Variants in TUBD1 observed in about 807,000 individuals in gnomAD.
TUBD1 encodes tubulin delta 1.
In TUBD1, 38 loss-of-function variants were observed where a neutral mutation model predicts 51.2. The observed-to-expected ratio is 0.74, with a 90% CI of 0.57 to 0.97. TUBD1 has a LOEUF of 0.97. Ranked by LOEUF, TUBD1 falls within the 50% of genes least tolerant of loss-of-function variation. TUBD1 has a pLI of 0.00. For synonymous variants in TUBD1, 169 were observed against 178.2 expected, an observed-to-expected ratio of 0.95 and a Z score of 0.41; for missense variants, 489 against 538.4, an observed-to-expected ratio of 0.91 and a Z score of 0.91.
rs201384047 is a variant in TUBD1, at chr17:59,872,720, G to GTC, written c.934+1818_934+1819insGA. Among the ~76,000 whole-genome samples the GTC allele has an allele frequency of 4.1e-3, 562 of 135,748 alleles. 5 individuals are homozygous for GTC. Among genetic ancestry groups the GTC allele is most frequent in the African/African-American group, 0.013 (504 of 37,708 alleles). The allele number at this position is 135,748 out of a possible 152,430, so 89.1% of individuals were successfully genotyped here. ...TGTGTGTGTGTGTGTGTGTGTGTGT[G>GTC]TGTGTGTGTCTGTGTGTGTAGAGGG... On this transcript the variant is annotated intron_variant, in intron 6 of 8. Transcript: ENST00000325752.
At chr17:59,885,212 G>A (rs763237385) in intron 3 of TUBD1, 19 of 457,528 alleles carry the variant, frequency 4.2e-5, no homozygotes, top group Admixed American at 1.6e-4. Context: ...AGCCTTACCC[G>A]GATGATGACA....
chr17:59,890,618 T>C (rs1407548464), intron 2 of TUBD1, among the ~76,000 whole-genome samples: 2 of 152,312 alleles, frequency 1.3e-5, no homozygotes, highest in East Asian at 3.9e-4. Context: ...AGATGAGTTT[T>C]GTTTGGTTGG....
At chr17:59,886,340 T>A in intron 2 of TUBD1, 110 bp from the exon 3 acceptor site, 1 of 999,066 alleles carries the variant, frequency 1.0e-6, no homozygotes. Flanking sequence ...AAAAAAAAAT[T>A]CCAGGGGTTG....
chr17:59,860,414 G>A lies in TUBD1; in HGVS notation c.1270C>T (p.His424Tyr). 6.6e-7 allele frequency: 1 copy of A among 1,515,962 alleles called. No homozygotes were observed. The allele number at this position is 1,515,962 out of a possible 1,614,324, so 93.9% of individuals were successfully genotyped here. The change falls in exon 9 of 9, where the codon CAT becomes TAT. Residue 424 changes from histidine to tyrosine, a missense_variant. Transcript: ENST00000325752. Reference protein sequence around the residue: ...WNMFASKAYIHQYTKFGIEEE... With the variant: ...WNMFASKAYIYQYTKFGIEEE... ...TCGATTCCAAATTTTGTGTACTGATGAATGTAGGCTCTGGTAGAAAAAAAA... is the reference window on the plus strand; with the variant it reads ...TCGATTCCAAATTTTGTGTACTGATAAATGTAGGCTCTGGTAGAAAAAAAA...
intron 6 of TUBD1, among the ~76,000 whole-genome samples, chr17:59,867,162 T>C (rs2039744515): frequency 6.6e-6 from 1 of 150,602 alleles, no homozygotes. Context: ...TATGTGTATT[T>C]TAGGTTTTTT....
At chr17:59,863,395 G>A (rs962945252) in intron 8 of TUBD1, among the ~76,000 whole-genome samples, 3 of 152,128 alleles carry the variant, frequency 2.0e-5, no homozygotes, top group Non-Finnish European at 4.4e-5. Context: ...CAGATCCCGA[G>A]GTCAGAAGTT....
chr17:59,882,547 A>G (rs1396240845), intron 3 of TUBD1, among the ~76,000 whole-genome samples: 2 of 151,638 alleles, frequency 1.3e-5, no homozygotes, highest in Admixed American at 6.6e-5. Context: ...TCAGCCTCCC[A>G]AAGTGTTGGG....
chr17:59,872,834 A>C lies in TUBD1; in HGVS notation c.934+1705T>G, dbSNP rs570792525. On this transcript the variant is annotated intron_variant, in intron 6 of 8. Coordinates refer to ENST00000325752, the MANE Select transcript of TUBD1 (RefSeq NM_016261.4). ...CAGGCTGGAATGCAATGGCACTATC[A>C]TAGCTCACTGTAACCTCTGCCTCCC... Among the ~76,000 whole-genome samples the C allele has an allele frequency of 2.6e-5, 4 of 151,312 alleles. No individual in the cohort carries two copies. The East Asian group carries it at 7.8e-4, about 29-fold the overall frequency.
intron 8 of TUBD1, among the ~76,000 whole-genome samples, chr17:59,861,775 C>G (rs142883257): frequency 5.5e-4 from 84 of 151,750 alleles, no homozygotes; most frequent in African/African-American, 1.9e-3. Flanking sequence ...TCAAGTGAGT[C>G]TCCTGCCTCA....
intron 8 of TUBD1, among the ~76,000 whole-genome samples, chr17:59,861,331 G>A (rs926242977): frequency 1.3e-5 from 2 of 150,542 alleles, no homozygotes; most frequent in Admixed American, 6.6e-5. Flanking sequence ...CCCAAGTAGC[G>A]GGAATTACAG....
chr17:59,860,591 T>A (rs944863664), intron 8 of TUBD1, among the ~76,000 whole-genome samples, 167 bp from the exon 9 acceptor site: 1 of 151,894 alleles, frequency 6.6e-6, no homozygotes, highest in Non-Finnish European at 1.5e-5. Flanking sequence ...TAGTGAACTT[T>A]CTTTTTTTTT....
intron 8 of TUBD1, 131 bp downstream of exon 8, chr17:59,863,533 C>T (rs967494652): frequency 5.7e-5 from 34 of 597,370 alleles, no homozygotes; most frequent in African/African-American, 4.7e-4. Context: ...CACTTAAACC[C>T]GGGAGGCGGA....
Position 59,889,175 on chromosome 17 carries a change from G to A in TUBD1, c.172+1656C>T, listed in dbSNP as rs374925627. On this transcript the variant is annotated intron_variant, in intron 2 of 8. Coordinates refer to ENST00000325752, the MANE Select transcript of TUBD1 (RefSeq NM_016261.4). ...ATTACAGGTATGTGCCACCATGTCCGGCTAATTTTTGTATTTTTAGTCGAG... is the reference window on the plus strand; with the variant it reads ...ATTACAGGTATGTGCCACCATGTCCAGCTAATTTTTGTATTTTTAGTCGAG... Among the ~76,000 whole-genome samples, 65 of 150,280 alleles carry A rather than the reference G, an allele frequency of 4.3e-4. 1 individual carries two copies. Among genetic ancestry groups the A allele is most frequent in the African/African-American group, 1.5e-3 (63 of 40,932 alleles).
Position 59,860,158 on chromosome 17 carries a change from G to A in TUBD1, c.*164C>T, listed in dbSNP as rs1399373146. 1.8e-5 allele frequency: 9 copies of A among 510,680 alleles called. No individual in the cohort carries two copies. Among genetic ancestry groups the A allele is most frequent in the African/African-American group, 5.9e-5 (3 of 50,494 alleles). The allele number at this position is 510,680 out of a possible 1,614,324, so 31.6% of individuals were successfully genotyped here. A position where few individuals can be genotyped will look rare whatever the true frequency, so the allele number is the denominator to read the frequency against. ...AGCCTCCCGAGTAGCTGGGACTACA[G>A]GCACCCGCCACCGCGCCTGGCTAAT... is the stretch of plus-strand genomic sequence containing the variant. On this transcript the variant is annotated 3_prime_UTR_variant, in exon 9 of 9. Coordinates refer to ENST00000325752, the MANE Select transcript of TUBD1 (RefSeq NM_016261.4).
intron 3 of TUBD1, 106 bp from the exon 4 acceptor site, chr17:59,881,216 A>T: frequency 1.1e-6 from 1 of 904,016 alleles, no homozygotes; most frequent in Middle Eastern, 2.7e-4. Flanking sequence ...AAAACTACGG[A>T]AGTGAAGGAA....
intron 1 of TUBD1, among the ~76,000 whole-genome samples, chr17:59,892,350 T>C (rs1293238886): frequency 2.0e-5 from 3 of 152,152 alleles, no homozygotes; most frequent in Non-Finnish European, 2.9e-5. Context: ...CAGACCAGCC[T>C]GGGCAACACA....
intron 6 of TUBD1, among the ~76,000 whole-genome samples, chr17:59,872,556 T>C (rs1350645879): frequency 1.3e-5 from 2 of 152,048 alleles, no homozygotes; most frequent in East Asian, 3.9e-4. Flanking sequence ...CTGAATAATA[T>C]TTAGATAGCA....
At chr17:59,892,139 C>T (rs962799247) in intron 1 of TUBD1, among the ~76,000 whole-genome samples, 8 of 152,212 alleles carry the variant, frequency 5.3e-5, no homozygotes, top group African/African-American at 1.4e-4. Flanking sequence ...TAATAGCTTA[C>T]GCTTTCTCCA....
chr17:59,861,138 G>A (rs41363245), intron 8 of TUBD1, among the ~76,000 whole-genome samples: 20,337 of 151,296 alleles, frequency 0.13, 1,912 homozygotes, highest in African/African-American at 0.26. Flanking sequence ...GTGCTCCCAG[G>A]ACATTTAATT....
Sources: allele counts gnomAD v4.1 joint callset (sites outside exome capture counted in the v4.1 genomes callset), GRCh38; gene constraint gnomAD v4.1.1; transcripts MANE v1.5; gene names NCBI Gene and HGNC (gene_info 2026-07-23, HGNC 2026-07-21).